STX16: variants seen among roughly 807,000 people sequenced by gnomAD.
STX16 encodes the protein syntaxin 16.
In STX16, 28 loss-of-function variants were observed where a neutral mutation model predicts 42.7. That is an observed-to-expected ratio of 0.66 (90% confidence interval 0.49 to 0.90). The LOEUF (loss-of-function observed/expected upper bound fraction) is 0.90. Among genes scored for constraint, STX16 ranks in the 40% least tolerant of loss-of-function variants. The pLI, the probability that STX16 is intolerant of heterozygous loss-of-function variation, is 0.00. For synonymous variants in STX16, 156 were observed against 155.2 expected (o/e 1.00, Z -0.04); for missense variants, 361 against 420.9 (o/e 0.86, Z 1.24).
chr20:58,659,638 T>C lies in STX16; in HGVS notation c.144+4T>C, dbSNP rs767516976. 4.3e-6 allele frequency: 7 copies of C among 1,612,564 alleles called. No individual in the cohort carries two copies. In the Admixed American group the frequency reaches 1.2e-4, roughly 27 times the overall value. ...GTCTCTTCAGGAGCTGGACGAGGTATTGTGTTTTGAATATTTTTATATGTT... is the reference window on the plus strand; with the variant it reads ...GTCTCTTCAGGAGCTGGACGAGGTACTGTGTTTTGAATATTTTTATATGTT... On this transcript the variant is annotated splice_donor_region_variant and intron_variant, in intron 2 of 8. Coordinates refer to ENST00000371141, the MANE Select transcript of STX16 (RefSeq NM_001001433.3).
chr20:58,651,960 A>G lies in STX16; in HGVS notation c.-47A>G, dbSNP rs781149056. The G allele has an allele frequency of 6.2e-7, 1 of 1,602,042 alleles. No homozygotes were observed. The highest frequency in any genetic ancestry group is 8.5e-7 in the Non-Finnish European group (1 of 1,169,814). On this transcript the variant is annotated 5_prime_UTR_variant, in exon 1 of 9. The change creates a new upstream start codon in the 5' untranslated region. Coordinates refer to ENST00000371141, the MANE Select transcript of STX16 (RefSeq NM_001001433.3). ...GAAAGAAAGTGAATAAATCAGGAAT[A>G]TAAGTGGGCGGGGGGCCCCTGAGAG... is the stretch of plus-strand genomic sequence containing the variant.
chr20:58,678,959 G>A lies in STX16; in HGVS notation c.*2668G>A, dbSNP rs2084206114. The A allele has an allele frequency of 6.6e-6, 1 of 152,302 alleles. No individual in the cohort carries two copies. The allele number at this position is 152,302 out of a possible 1,614,324, so 9.4% of individuals were successfully genotyped here. On this transcript the variant is annotated 3_prime_UTR_variant, in exon 9 of 9. Coordinates refer to ENST00000371141, the MANE Select transcript of STX16 (RefSeq NM_001001433.3). ...CTCCTCTGCCTGGGATGCGCCCTCT[G>A]AGAGGAGGCCTAGCAGGGCAGGCTC...
At position 58,652,060 on chromosome 20, in the gene STX16, C is replaced by G. The variant is rs769483403; in HGVS notation, c.54C>G (p.Ile18Met). The G allele has an allele frequency of 1.2e-6, 2 of 1,614,074 alleles. No individual in the cohort carries two copies. Among genetic ancestry groups the G allele is most frequent in the African/African-American group, 2.7e-5 (2 of 74,924 alleles). Residue 18 changes from isoleucine (I) to methionine (M), a missense_variant, in exon 1 of 9, where the codon ATC (isoleucine) becomes ATG (methionine). By Grantham distance (10) the Ile-to-Met change is conservative. Transcript: ENST00000371141. ...TCTTGTTGTTGCGGAATAATTCCATCCAAAACCGGCAGCTGTTAGCCGAGC... is the reference window on the plus strand; with the variant it reads ...TCTTGTTGTTGCGGAATAATTCCATGCAAAACCGGCAGCTGTTAGCCGAGC... ...DAFLLLRNNS[I>M]QNRQLLAEQV...
chr20:58,667,924 G>C, intron 3 of STX16, 63 bp from the exon 4 acceptor site: 4 of 1,606,440 alleles, frequency 2.5e-6, no homozygotes, highest in Non-Finnish European at 3.4e-6. Flanking sequence ...GCTGAGTGTA[G>C]CTGATGGAGG....
chr20:58,675,700 G>A (rs933859210), intron 8 of STX16, among the ~76,000 whole-genome samples: 16 of 152,152 alleles, frequency 1.1e-4, no homozygotes, highest in African/African-American at 3.1e-4. Context: ...CCAAATTTAG[G>A]GGAGGTCGAA....
chr20:58,665,757 C>T (rs1435876078), intron 2 of STX16, among the ~76,000 whole-genome samples: 1 of 152,172 alleles, frequency 6.6e-6, no homozygotes, highest in East Asian at 1.9e-4. Flanking sequence ...AGCATCCGTG[C>T]CACGCTTGAG....
chr20:58,671,136 T>C lies in STX16; in HGVS notation c.649-18T>C, dbSNP rs910176347. Reference sequence around the variant, plus strand: ...AGGGAAAACAATCTATCCAACACATTGTGCACTGTCTTGCTAGGGTTTTAC... The same window carrying C: ...AGGGAAAACAATCTATCCAACACATCGTGCACTGTCTTGCTAGGGTTTTAC... On this transcript the variant is annotated intron_variant, in intron 6 of 8. Transcript: ENST00000371141. The C allele has an allele frequency of 4.4e-6, 7 of 1,609,100 alleles. No homozygotes were observed. The African/African-American group carries it at 9.4e-5, about 22-fold the overall frequency.
At chr20:58,663,141 AT>A (rs1367643986) in intron 2 of STX16, among the ~76,000 whole-genome samples, 1 of 152,094 alleles carries the variant, frequency 6.6e-6, no homozygotes, top group African/African-American at 2.4e-5. Flanking sequence ...AATTATCGGT[AT>A]TGTTCTCATT....
chr20:58,674,245 C>A (rs1048604771), intron 8 of STX16, among the ~76,000 whole-genome samples: 1 of 152,046 alleles, frequency 6.6e-6, no homozygotes, highest in East Asian at 1.9e-4. Flanking sequence ...AGTAGTAATT[C>A]TTTTATTCTG....
chr20:58,675,970 C>T (rs933912876), intron 8 of STX16, among the ~76,000 whole-genome samples: 2 of 152,174 alleles, frequency 1.3e-5, no homozygotes, highest in Non-Finnish European at 1.5e-5. Flanking sequence ...TCCATTTCCA[C>T]GTCCAGGGTA....
Position 58,651,891 on chromosome 20 carries a change from T to G in STX16, c.-116T>G. Reference sequence around the variant, plus strand: ...TCTTTTTGGCTTGAGGCCTGAGGCCTTGTCGAGAAGCTTCCGTGAAAGGGT... The same window carrying G: ...TCTTTTTGGCTTGAGGCCTGAGGCCGTGTCGAGAAGCTTCCGTGAAAGGGT... On this transcript the variant is annotated 5_prime_UTR_variant, in exon 1 of 9. Coordinates refer to ENST00000371141, the MANE Select transcript of STX16 (RefSeq NM_001001433.3). 1 of 1,193,032 alleles carries G rather than the reference T, an allele frequency of 8.4e-7. No individual in the cohort carries two copies. Among genetic ancestry groups the G allele is most frequent in the Non-Finnish European group, 1.2e-6 (1 of 831,902 alleles). 73.9% of individuals were successfully genotyped at this position (1,193,032 alleles called of 1,614,324 possible).
intron 1 of STX16, 126 bp downstream of exon 1, chr20:58,652,264 G>C (rs2083476687): frequency 1.4e-6 from 2 of 1,389,968 alleles, no homozygotes; most frequent in African/African-American, 2.9e-5. Flanking sequence ...AGAATAATAA[G>C]ATCTCTTGGC....
chr20:58,653,278 A>T (rs1239027054), intron 1 of STX16, among the ~76,000 whole-genome samples: 3 of 152,132 alleles, frequency 2.0e-5, no homozygotes, highest in Non-Finnish European at 4.4e-5. Context: ...TTATGGCTTT[A>T]TCTAAATGCT....
chr20:58,668,081 G>A lies in STX16; in HGVS notation c.347G>A (p.Ser116Asn). 1.2e-6 allele frequency: 2 copies of A among 1,614,272 alleles called. No homozygotes were observed. The highest frequency in any genetic ancestry group is 8.5e-7 in the Non-Finnish European group (1 of 1,180,046). The change falls in exon 4 of 9, where the codon AGC becomes AAC. Residue 116 changes from serine to asparagine, a missense_variant. Transcript: ENST00000371141. ...AACAGACCCACCCTGGATGACAGCA[G>A]CGAAGAGGAACATGCCATTGAGATA... The part of the protein sequence containing the change: ...HLNRPTLDDS[S>N]EEEHAIEITT...
chr20:58,653,853 G>A (rs887895182), intron 1 of STX16, among the ~76,000 whole-genome samples: 2 of 150,618 alleles, frequency 1.3e-5, no homozygotes, highest in African/African-American at 2.5e-5. Flanking sequence ...GGTAACATGA[G>A]GGTTTTTTTT....
intron 2 of STX16, among the ~76,000 whole-genome samples, chr20:58,663,050 G>A (rs76542802): frequency 6.6e-6 from 1 of 152,226 alleles, no homozygotes; most frequent in African/African-American, 2.4e-5. Context: ...AGAGTTTCAC[G>A]TGGAAGTGTG....
chr20:58,671,263 T>C lies in STX16; in HGVS notation c.758T>C (p.Ile253Thr). The C allele has an allele frequency of 6.2e-7, 1 of 1,613,550 alleles. No homozygotes were observed. Residue 253 changes from isoleucine (I) to threonine (T), a missense_variant, in exon 7 of 9, where the codon ATA (isoleucine) becomes ACA (threonine). Coordinates refer to ENST00000371141, the MANE Select transcript of STX16 (RefSeq NM_001001433.3). ...IVQSISDLNE[I>T]FRDLGAMIVE... ...CAGTCCATTTCTGACCTGAATGAAA[T>C]ATTCAGGGACTTAGGGGCGATGATT...
At position 58,667,295 on chromosome 20, in the gene STX16, A is replaced by G. The variant is rs146775853; in HGVS notation, c.145-195A>G. On this transcript the variant is annotated intron_variant, in intron 2 of 8. Transcript: ENST00000371141. ...GAAAACAATCCAAATCCTAGCAGTT[A>G]TCAAAAGCAAGTTTATAATACAGGC... 83 of 677,498 alleles carry G rather than the reference A, an allele frequency of 1.2e-4. No individual in the cohort carries two copies. The African/African-American group carries it at 1.3e-3, about 11-fold the overall frequency. 42.0% of individuals were successfully genotyped at this position (677,498 alleles called of 1,614,324 possible).
intron 2 of STX16, among the ~76,000 whole-genome samples, chr20:58,665,061 C>G (rs1163892546): frequency 6.6e-6 from 1 of 152,198 alleles, no homozygotes; most frequent in Admixed American, 6.5e-5. Flanking sequence ...CGAGCTGGGC[C>G]TGTGGTTTGT....
Sources: gnomAD v4.1 joint callset for allele counts (sites outside exome capture counted in the v4.1 genomes callset) on GRCh38, gnomAD v4.1.1 for gene constraint, MANE v1.5 for transcripts, NCBI Gene and HGNC (gene_info 2026-07-23, HGNC 2026-07-21) for gene names.